Variants in PTPRG observed in about 807,000 individuals in gnomAD.
The protein encoded by PTPRG is receptor-type tyrosine-protein phosphatase gamma.
PTPRG carries 102 observed loss-of-function variants against 165.3 expected under a neutral mutation model. The ratio of observed to expected loss-of-function variants is 0.62; its 90% CI spans 0.53 to 0.73. The LOEUF (loss-of-function observed/expected upper bound fraction) is 0.73, where lower values mean the gene tolerates loss of function less well. Among genes scored for constraint, PTPRG ranks in the 30% least tolerant of loss-of-function variants. PTPRG has a pLI of 0.00. For synonymous variants in PTPRG, 675 were observed against 669.5 expected, an observed-to-expected ratio of 1.01 and a Z score of -0.13; for missense variants, 1,866 against 1,861.4, an observed-to-expected ratio of 1.00 and a Z score of -0.05.
At chr3:61,994,090 T>A (rs990719737) in intron 3 of PTPRG, among the ~76,000 whole-genome samples, 2 of 152,246 alleles carry the variant, frequency 1.3e-5, no homozygotes. Context: ...CTATCTATTG[T>A]GCCAGTTCCC....
Position 62,228,959 on chromosome 3 carries a change from C to T in PTPRG, c.2289-2266C>T, listed in dbSNP as rs1700831128. On this transcript the variant is annotated intron_variant, in intron 13 of 29. Transcript: ENST00000474889. This position sits in a 1 kb window ranked among gnomAD's most constrained non-coding sequence, Gnocchi z 4.1. ...TTTTCTTTTAAAACTGGTGAGTGTGCCATTCTTTTCTTTTTGGAACCCATA... is the reference window on the plus strand; with the variant it reads ...TTTTCTTTTAAAACTGGTGAGTGTGTCATTCTTTTCTTTTTGGAACCCATA... Among the ~76,000 whole-genome samples, 1 of 152,078 alleles carries T rather than the reference C, an allele frequency of 6.6e-6. No individual in the cohort carries two copies.
intron 2 of PTPRG, among the ~76,000 whole-genome samples, chr3:61,890,742 G>T (rs2038191707): frequency 6.6e-6 from 1 of 152,002 alleles, no homozygotes; most frequent in Admixed American, 6.5e-5. Flanking sequence ...CAGCCTTCAG[G>T]TTTGAAATCC....
intron 1 of PTPRG, among the ~76,000 whole-genome samples, chr3:61,653,582 C>A (rs1286757576): frequency 1.3e-5 from 2 of 152,116 alleles, no homozygotes; most frequent in African/African-American, 2.4e-5. Flanking sequence ...AAGGCTGATC[C>A]CTGTCCTCAT....
At chr3:62,127,492 C>T (rs1402972959) in intron 5 of PTPRG, among the ~76,000 whole-genome samples, 1 of 152,180 alleles carries the variant, frequency 6.6e-6, no homozygotes, top group Non-Finnish European at 1.5e-5. Flanking sequence ...TTCTGGAAGG[C>T]CATGTGGAGT....
At chr3:61,573,517 G>C (rs138956888) in intron 1 of PTPRG, among the ~76,000 whole-genome samples, 2 of 152,284 alleles carry the variant, frequency 1.3e-5, no homozygotes, top group African/African-American at 4.8e-5. Flanking sequence ...GATTTGAGGG[G>C]ATGATTCCTT....
At chr3:62,211,703 A>G (rs1431232219) in intron 12 of PTPRG, among the ~76,000 whole-genome samples, 1 of 152,088 alleles carries the variant, frequency 6.6e-6, no homozygotes, top group African/African-American at 2.4e-5. Flanking sequence ...CCTACTCCTG[A>G]TAGAGGCCTC....
chr3:62,107,422 T>C (rs1702511161), intron 5 of PTPRG, among the ~76,000 whole-genome samples: 1 of 152,240 alleles, frequency 6.6e-6, no homozygotes, highest in East Asian at 1.9e-4. Context: ...CTATAACAGA[T>C]AACACAAAGA....
chr3:61,972,130 A>G lies in PTPRG; in HGVS notation c.191-17495A>G, dbSNP rs184075166. 4.5e-3 allele frequency among the ~76,000 whole-genome samples: 687 copies of G among 152,376 alleles called. 11 individuals carry two copies. Among genetic ancestry groups the G allele is most frequent in the Non-Finnish European group, 6.3e-3 (426 of 68,044 alleles). Reference sequence around the variant, plus strand: ...GGAAGACGGTTTACATATGTGTGGCAGAATAGGTCTTATTGATAAAGTGAC... The same window carrying G: ...GGAAGACGGTTTACATATGTGTGGCGGAATAGGTCTTATTGATAAAGTGAC... On this transcript the variant is annotated intron_variant, in intron 2 of 29. Transcript: ENST00000474889.
At chr3:62,103,189 A>T (rs531650987) in intron 5 of PTPRG, among the ~76,000 whole-genome samples, 1 of 150,210 alleles carries the variant, frequency 6.7e-6, no homozygotes. Context: ...GGAACATTCA[A>T]CCTCAAGACT....
chr3:62,176,120 C>G (rs1705413559), intron 8 of PTPRG, among the ~76,000 whole-genome samples: 1 of 152,146 alleles, frequency 6.6e-6, no homozygotes, highest in South Asian at 2.1e-4. Flanking sequence ...AGGACTTGCA[C>G]TGGAGTCTGC....
At chr3:62,032,564 G>A (rs1323293373) in intron 4 of PTPRG, among the ~76,000 whole-genome samples, 4 of 152,048 alleles carry the variant, frequency 2.6e-5, no homozygotes, top group Non-Finnish European at 5.9e-5. Flanking sequence ...AGTATTGAAG[G>A]AGAGAGGGAA....
At chr3:61,580,674 A>T (rs1700273604) in intron 1 of PTPRG, among the ~76,000 whole-genome samples, 1 of 152,204 alleles carries the variant, frequency 6.6e-6, no homozygotes, top group African/African-American at 2.4e-5. Flanking sequence ...ATGTATTTTA[A>T]ACTTAGTAAG....
At chr3:62,074,248 A>G (rs1701304685) in intron 4 of PTPRG, among the ~76,000 whole-genome samples, 1 of 151,550 alleles carries the variant, frequency 6.6e-6, no homozygotes, top group South Asian at 2.1e-4. Flanking sequence ...TAGTATAAAT[A>G]ATTGGTGATA....
chr3:62,021,224 A>G (rs1044358183), intron 4 of PTPRG, among the ~76,000 whole-genome samples: 1 of 152,152 alleles, frequency 6.6e-6, no homozygotes, highest in Non-Finnish European at 1.5e-5. Flanking sequence ...TTTTTCCATG[A>G]TGTGGATGCA....
intron 6 of PTPRG, among the ~76,000 whole-genome samples, chr3:62,154,539 G>A (rs890166572): frequency 6.6e-6 from 1 of 152,134 alleles, no homozygotes; most frequent in African/African-American, 2.4e-5. Flanking sequence ...TGCCCAATCA[G>A]CGTTCCCCTT....
At chr3:61,974,060 A>C (rs1237339472) in intron 2 of PTPRG, among the ~76,000 whole-genome samples, 1 of 152,114 alleles carries the variant, frequency 6.6e-6, no homozygotes, top group East Asian at 1.9e-4. Flanking sequence ...ACTCTAAGCC[A>C]AAGTTTTCTC....
At position 62,213,908 on chromosome 3, in the gene PTPRG, C is replaced by G. The variant is rs1006962708; in HGVS notation, c.2156-4943C>G. Among the ~76,000 whole-genome samples, 1 of 152,016 alleles carries G rather than the reference C, an allele frequency of 6.6e-6. No individual in the cohort carries two copies. Among genetic ancestry groups the G allele is most frequent in the South Asian group, 2.1e-4 (1 of 4,812 alleles). ...CTTCTGAAGGACACAGCAAGAAGTACGGGGGCCGTGCACAGTGGCTCACAC... is the reference window on the plus strand; with the variant it reads ...CTTCTGAAGGACACAGCAAGAAGTAGGGGGGCCGTGCACAGTGGCTCACAC... On this transcript the variant is annotated intron_variant, in intron 12 of 29. Coordinates refer to ENST00000474889, the MANE Select transcript of PTPRG (RefSeq NM_002841.4). This position sits in a 1 kb window ranked among gnomAD's most constrained non-coding sequence, Gnocchi z 4.4.
intron 28 of PTPRG, among the ~76,000 whole-genome samples, chr3:62,286,196 G>A (rs554115282): frequency 6.6e-6 from 1 of 152,140 alleles, no homozygotes; most frequent in Non-Finnish European, 1.5e-5. Flanking sequence ...CATATGGACT[G>A]TTTTCAATAG....
At chr3:62,098,466 C>A (rs1387115159) in intron 5 of PTPRG, among the ~76,000 whole-genome samples, 1 of 152,012 alleles carries the variant, frequency 6.6e-6, no homozygotes, top group African/African-American at 2.4e-5. Context: ...TTCCTAGAAC[C>A]AATCACCTGT....
Sources: gnomAD v4.1 joint callset for allele counts (sites outside exome capture counted in the v4.1 genomes callset) on GRCh38, gnomAD v4.1.1 for gene constraint, Gnocchi (gnomAD v3.1) non-coding constraint, MANE v1.5 for transcripts, NCBI Gene and HGNC (gene_info 2026-07-23, HGNC 2026-07-21) for gene names.